RALYL: variants seen among roughly 807,000 people sequenced by gnomAD.
The protein encoded by RALYL is RNA-binding Raly-like protein.
A neutral mutation model predicts 35.1 loss-of-function variants in RALYL; 29 were observed. That is an observed-to-expected ratio of 0.83 (90% CI 0.61 to 1.13). The LOEUF (loss-of-function observed/expected upper bound fraction) is 1.13, where lower values mean the gene tolerates loss of function less well. Ranked by LOEUF, RALYL falls within the 50% of genes most tolerant of loss-of-function variation. The pLI is 0.00. For missense variants in RALYL, 359 were observed against 360.4 expected (o/e 1.00, Z 0.03); for synonymous variants, 120 against 127.6 (o/e 0.94, Z 0.40).
At chr8:84,303,386 A>G (rs1356710472) in intron 1 of RALYL, among the ~76,000 whole-genome samples, 1 of 152,196 alleles carries the variant, frequency 6.6e-6, no homozygotes, top group Non-Finnish European at 1.5e-5. Context: ...TCCAGATAAT[A>G]TTTAATAGCT....
At chr8:84,372,502 C>T (rs1855917759) in intron 1 of RALYL, among the ~76,000 whole-genome samples, 1 of 151,896 alleles carries the variant, frequency 6.6e-6, no homozygotes, top group East Asian at 1.9e-4. Flanking sequence ...GCTCAGGAGG[C>T]CAAGGTTGGA....
intron 2 of RALYL, among the ~76,000 whole-genome samples, chr8:84,661,372 A>G (rs1830876331): frequency 6.6e-6 from 1 of 151,978 alleles, no homozygotes. Context: ...TTCTCTTCCA[A>G]TTTTGCTGTA....
rs570439933 is a variant in RALYL at position 84,219,895 on chromosome 8, C to A, written c.-24+35471C>A. Among the ~76,000 whole-genome samples, 8 of 151,850 alleles carry A rather than the reference C, an allele frequency of 5.3e-5. No homozygotes were observed. In the South Asian group the frequency reaches 1.5e-3, roughly 28 times the overall value. On this transcript the variant is annotated intron_variant, in intron 1 of 8. Coordinates refer to ENST00000521268, the MANE Select transcript of RALYL (RefSeq NM_173848.7). ...GATAGATAGATAGTTAGAAATGAAT[C>A]AATAATAAAAGATTGGACAAACATT...
intron 1 of RALYL, among the ~76,000 whole-genome samples, chr8:84,326,824 G>T (rs780520718): frequency 3.9e-5 from 6 of 152,142 alleles, no homozygotes; most frequent in Non-Finnish European, 5.9e-5. Flanking sequence ...GAATTTTCAT[G>T]TAGTATTTGT....
At chr8:84,259,509 A>G (rs1284841698) in intron 1 of RALYL, among the ~76,000 whole-genome samples, 12 of 152,194 alleles carry the variant, frequency 7.9e-5, no homozygotes, top group Admixed American at 7.9e-4. Flanking sequence ...TTGAACAGGG[A>G]TACTCAGCAT....
intron 1 of RALYL, among the ~76,000 whole-genome samples, chr8:84,280,338 AC>A (rs1369575824): frequency 6.6e-6 from 1 of 152,104 alleles, no homozygotes; most frequent in Non-Finnish European, 1.5e-5. Context: ...AAAACAATAT[AC>A]CAAAATTTCT....
intron 1 of RALYL, among the ~76,000 whole-genome samples, chr8:84,462,853 TTCA>T (rs2050969827): frequency 6.6e-6 from 1 of 151,820 alleles, no homozygotes; most frequent in Non-Finnish European, 1.5e-5. Flanking sequence ...CATCCTGAAG[TTCA>T]TCATCAAATT....
At chr8:84,700,732 G>T (rs566417099) in intron 2 of RALYL, among the ~76,000 whole-genome samples, 2 of 152,142 alleles carry the variant, frequency 1.3e-5, no homozygotes, top group Non-Finnish European at 2.9e-5. Context: ...ACTATTTTTA[G>T]ATTATCTACT....
At chr8:84,611,257 T>C (rs966405498) in intron 2 of RALYL, among the ~76,000 whole-genome samples, 2 of 152,132 alleles carry the variant, frequency 1.3e-5, no homozygotes, top group Non-Finnish European at 2.9e-5. Context: ...GTCATTAACT[T>C]CCTAAAAATT....
At chr8:84,537,104 T>C (rs915915857) in intron 2 of RALYL, among the ~76,000 whole-genome samples, 2 of 150,118 alleles carry the variant, frequency 1.3e-5, no homozygotes, top group East Asian at 3.9e-4. Context: ...CTATTCAGGG[T>C]GTATACGTGC....
rs538823643 is a variant in RALYL at position 84,219,206 on chromosome 8, G to C, written c.-24+34782G>C. On this transcript the variant is annotated intron_variant, in intron 1 of 8. Coordinates refer to ENST00000521268, the MANE Select transcript of RALYL (RefSeq NM_173848.7). ...CGTGTCAAGGAAGAGACCTGGTGGAGGTAAATGGATTATGAGGCGGTTTTC... is the reference window on the plus strand; with the variant it reads ...CGTGTCAAGGAAGAGACCTGGTGGACGTAAATGGATTATGAGGCGGTTTTC... 2.6e-5 allele frequency among the ~76,000 whole-genome samples: 4 copies of C among 152,066 alleles called. No homozygotes were observed. In the South Asian group the frequency reaches 8.3e-4, roughly 31 times the overall value.
chr8:84,467,552 T>C (rs2133572569), intron 1 of RALYL, among the ~76,000 whole-genome samples: 1 of 149,986 alleles, frequency 6.7e-6, no homozygotes, highest in African/African-American at 2.4e-5. Flanking sequence ...TGAGGAGAGC[T>C]TTACTTCCAA....
chr8:84,707,586 A>G (rs964689961), intron 2 of RALYL, among the ~76,000 whole-genome samples: 1 of 152,186 alleles, frequency 6.6e-6, no homozygotes, highest in Non-Finnish European at 1.5e-5. Flanking sequence ...CAGAAGATGT[A>G]TAATTATACA....
At chr8:84,647,087 A>C (rs7008619) in intron 2 of RALYL, among the ~76,000 whole-genome samples, 3,095 of 151,938 alleles carry the variant, frequency 0.02, 104 homozygotes, top group African/African-American at 0.071. Flanking sequence ...TTTTTGGGAG[A>C]AGGATCAATG....
At chr8:84,487,293 T>C (rs981456135) in intron 1 of RALYL, among the ~76,000 whole-genome samples, 2 of 152,100 alleles carry the variant, frequency 1.3e-5, no homozygotes, top group Non-Finnish European at 2.9e-5. Context: ...TTGAGTCGCC[T>C]GCACCCTGTT....
intron 1 of RALYL, among the ~76,000 whole-genome samples, chr8:84,311,645 A>G (rs1393143623): frequency 6.6e-6 from 1 of 152,194 alleles, no homozygotes; most frequent in Non-Finnish European, 1.5e-5. Context: ...CCAATAAAAT[A>G]CCATAGAGAT....
intron 1 of RALYL, among the ~76,000 whole-genome samples, chr8:84,377,457 T>TG (rs1554640541): frequency 1.4e-5 from 2 of 145,170 alleles, no homozygotes; most frequent in Non-Finnish European, 3.0e-5. Context: ...AACTGTTTTT[T>TG]TTTTTTTTTT....
chr8:84,345,480 T>G (rs1407102841), intron 1 of RALYL, among the ~76,000 whole-genome samples: 1 of 152,110 alleles, frequency 6.6e-6, no homozygotes, highest in African/African-American at 2.4e-5. Context: ...ATATACACAT[T>G]ACCCTTGCCC....
chr8:84,455,826 A>T (rs903907690), intron 1 of RALYL, among the ~76,000 whole-genome samples: 1 of 151,988 alleles, frequency 6.6e-6, no homozygotes, highest in Non-Finnish European at 1.5e-5. Context: ...TATCTTGGGA[A>T]TTTATTTTTC....
Sources: gnomAD v4.1 joint callset for allele counts (sites outside exome capture counted in the v4.1 genomes callset) on GRCh38, gnomAD v4.1.1 for gene constraint, MANE v1.5 for transcripts, NCBI Gene and HGNC (gene_info 2026-07-23, HGNC 2026-07-21) for gene names.